NELL2: variants seen among roughly 807,000 people sequenced by gnomAD.
NELL2 encodes the protein neural EGFL like 2.
Under a neutral mutation model 109.6 loss-of-function variants are expected in NELL2, and 41 were observed. The ratio of observed to expected loss-of-function variants is 0.37; its 90% confidence interval spans 0.29 to 0.49. The LOEUF is 0.49. Among genes scored for constraint, NELL2 ranks in the 20% least tolerant of loss-of-function variants. The probability of loss-of-function intolerance (pLI) is 0.98; values close to 1 mark genes in which losing one functional copy is unlikely to be tolerated. For missense variants in NELL2, 900 were observed against 1,008.3 expected (o/e 0.89, Z 1.45); for synonymous variants, 355 against 344.7 (o/e 1.03, Z -0.33).
chr12:44,781,799 C>G (rs73277297), intron 3 of NELL2, among the ~76,000 whole-genome samples: 1,589 of 151,926 alleles, frequency 0.01, 30 homozygotes, highest in African/African-American at 0.036. Flanking sequence ...GTATACCCAG[C>G]AAAAACATCC....
At chr12:44,860,303 T>A (rs1378140508) in intron 2 of NELL2, among the ~76,000 whole-genome samples, 1 of 152,150 alleles carries the variant, frequency 6.6e-6, no homozygotes, top group Non-Finnish European at 1.5e-5. Context: ...CAAAAGAAAG[T>A]TTAATTTGGT....
At chr12:44,821,128 T>C (rs184966427) in intron 2 of NELL2, among the ~76,000 whole-genome samples, 21 of 152,198 alleles carry the variant, frequency 1.4e-4, no homozygotes, top group Non-Finnish European at 2.6e-4. Flanking sequence ...TCCTGCAAAA[T>C]TTTATAATAA....
chr12:44,683,680 T>G (rs1160310687), intron 12 of NELL2, among the ~76,000 whole-genome samples: 1 of 152,164 alleles, frequency 6.6e-6, no homozygotes, highest in Non-Finnish European at 1.5e-5. Flanking sequence ...GAGATAATCA[T>G]GTGGTTTTTG....
chr12:44,645,749 T>C (rs1405360183), intron 13 of NELL2, among the ~76,000 whole-genome samples: 3 of 152,164 alleles, frequency 2.0e-5, no homozygotes, highest in Non-Finnish European at 4.4e-5. Flanking sequence ...GGTATAATTT[T>C]CCCATTTTAC....
Position 44,911,394 on chromosome 12 carries a change from G to T in NELL2, c.38+2405C>A, listed in dbSNP as rs117631709. Reference sequence around the variant, plus strand: ...AAAAGAAATAACATATATTTCTCGGGGAAACCATTTGGCTATATGATGGCA... The same window carrying T: ...AAAAGAAATAACATATATTTCTCGGTGAAACCATTTGGCTATATGATGGCA... On this transcript the variant is annotated intron_variant, in intron 1 of 20. Coordinates refer to the NELL2 transcript ENST00000333837. 6.3e-3 allele frequency among the ~76,000 whole-genome samples: 960 copies of T among 151,668 alleles called. 9 individuals are homozygous for T. The highest frequency in any genetic ancestry group is 7.6e-3 in the Non-Finnish European group (514 of 67,778).
intron 13 of NELL2, among the ~76,000 whole-genome samples, chr12:44,634,731 C>T (rs562104241): frequency 6.6e-6 from 1 of 152,144 alleles, no homozygotes; most frequent in Non-Finnish European, 1.5e-5. Context: ...GGTTCTAGAT[C>T]CTTGAGGAAT....
chr12:44,891,980 A>G (rs188872081), intron 1 of NELL2, among the ~76,000 whole-genome samples: 2 of 152,356 alleles, frequency 1.3e-5, no homozygotes, highest in African/African-American at 2.4e-5. Flanking sequence ...AACACATCAC[A>G]GTAATGAAAT....
intron 15 of NELL2, among the ~76,000 whole-genome samples, chr12:44,573,445 G>C (rs1212616106): frequency 6.6e-6 from 1 of 152,154 alleles, no homozygotes; most frequent in Non-Finnish European, 1.5e-5. Flanking sequence ...TGTACCACAA[G>C]CACTTAATAG....
chr12:44,516,546 A>T (rs1941266250), intron 19 of NELL2, among the ~76,000 whole-genome samples: 1 of 152,228 alleles, frequency 6.6e-6, no homozygotes, highest in Non-Finnish European at 1.5e-5. Flanking sequence ...TTAGTTTACA[A>T]TTAAGGTTCA....
upstream of NELL2, among the ~76,000 whole-genome samples, chr12:44,914,627 C>G (rs1014789311): frequency 2.0e-5 from 3 of 152,076 alleles, no homozygotes; most frequent in African/African-American, 4.8e-5. Flanking sequence ...CAAGATTTTT[C>G]TCTGTTTTAT....
Position 44,703,859 on chromosome 12 carries a change from A to AG in NELL2, c.1190-6dup. On this transcript the variant is annotated splice_region_variant and splice_polypyrimidine_tract_variant and intron_variant, in intron 11 of 19. Transcript: ENST00000429094. ...TTTCAGAACAAAAGTCATAACCTAC[A>AG]GAAAAAAAAAGAAATTTATTAAGGT... is the stretch of plus-strand genomic sequence containing the variant. 6.2e-7 allele frequency: 1 copy of AG among 1,601,110 alleles called. No homozygotes were observed.
chr12:44,627,812 C>A (rs915352661), intron 13 of NELL2, among the ~76,000 whole-genome samples: 2 of 152,168 alleles, frequency 1.3e-5, no homozygotes, highest in African/African-American at 4.8e-5. Flanking sequence ...AGTACAAGCT[C>A]TTCTGCAAGT....
chr12:44,640,191 C>T (rs1018924431), intron 13 of NELL2, among the ~76,000 whole-genome samples: 8 of 152,144 alleles, frequency 5.3e-5, no homozygotes, highest in South Asian at 2.1e-4. Context: ...ACCTTTCAAA[C>T]GATGATGATC....
chr12:44,612,441 C>T (rs933441592), intron 13 of NELL2, among the ~76,000 whole-genome samples: 11 of 151,444 alleles, frequency 7.3e-5, no homozygotes, highest in African/African-American at 2.7e-4. Context: ...TTTCCAAATT[C>T]CTGGCTGAAT....
At chr12:44,536,137 T>G (rs1359341193) in intron 15 of NELL2, among the ~76,000 whole-genome samples, 1 of 152,116 alleles carries the variant, frequency 6.6e-6, no homozygotes, top group East Asian at 1.9e-4. Flanking sequence ...CTAGAAGGCA[T>G]GTTTTTTTCG....
At chr12:44,672,746 ATTTTAT>A (rs1414120874) in intron 12 of NELL2, among the ~76,000 whole-genome samples, 3 of 152,204 alleles carry the variant, frequency 2.0e-5, no homozygotes, top group Non-Finnish European at 4.4e-5. Flanking sequence ...ATGGTGGATA[ATTTTAT>A]TTATAAACAT....
At chr12:44,659,398 A>C (rs1947651978) in intron 13 of NELL2, among the ~76,000 whole-genome samples, 1 of 152,222 alleles carries the variant, frequency 6.6e-6, no homozygotes, top group Non-Finnish European at 1.5e-5. Flanking sequence ...CTATCATCAA[A>C]GTGAACAGGC....
At chr12:44,648,924 G>C (rs1947201652) in intron 13 of NELL2, among the ~76,000 whole-genome samples, 1 of 148,394 alleles carries the variant, frequency 6.7e-6, no homozygotes, top group Non-Finnish European at 1.5e-5. Context: ...GTGTGTGTGT[G>C]TGTGTGTGTG....
upstream of NELL2, among the ~76,000 whole-genome samples, chr12:44,914,551 A>G (rs1311664633): frequency 2.6e-5 from 4 of 152,228 alleles, no homozygotes; most frequent in East Asian, 7.7e-4. Flanking sequence ...AATTAAAACC[A>G]TCTAACATCC....
Sources: gnomAD v4.1 joint callset for allele counts (sites outside exome capture counted in the v4.1 genomes callset) on GRCh38, gnomAD v4.1.1 for gene constraint, MANE v1.5 for transcripts, NCBI Gene and HGNC (gene_info 2026-07-23, HGNC 2026-07-21) for gene names.